ROBO2: variants seen among roughly 807,000 people sequenced by gnomAD.
ROBO2 encodes the protein roundabout homolog 2.
Under a neutral mutation model 160.8 loss-of-function variants are expected in ROBO2, and 53 were observed. The ratio of observed to expected loss-of-function variants is 0.33; its 90% CI spans 0.26 to 0.41. The LOEUF (loss-of-function observed/expected upper bound fraction) is 0.41. ROBO2 is among the 10% of genes least tolerant of loss of function. ROBO2 has a pLI of 1.00. For synonymous variants in ROBO2, 664 were observed against 611.7 expected (o/e 1.09, Z -1.26); for missense variants, 1,577 against 1,722.4 (o/e 0.92, Z 1.49).
At chr3:77,426,382 C>A (rs2078207983) in intron 2 of ROBO2, among the ~76,000 whole-genome samples, 1 of 151,916 alleles carries the variant, frequency 6.6e-6, no homozygotes, top group African/African-American at 2.4e-5. Flanking sequence ...ATGAGTTCCA[C>A]TTTGTATTCT....
chr3:77,040,377 A>G (rs2063971589), exon 1 of ROBO2: 1 of 1,005,978 alleles, frequency 9.9e-7, no homozygotes, highest in Admixed American at 5.7e-5. Flanking sequence ...CGCGCTGGCA[A>G]GTTTGTGGAA....
At chr3:77,380,814 G>T (rs1043049088) in intron 2 of ROBO2, among the ~76,000 whole-genome samples, 2 of 151,134 alleles carry the variant, frequency 1.3e-5, no homozygotes, top group African/African-American at 4.9e-5. Flanking sequence ...ATTTCTCTCC[G>T]CTGATTAGCG....
chr3:76,744,838 C>G (rs1233297500), intron 2 of ROBO2, among the ~76,000 whole-genome samples: 1 of 152,110 alleles, frequency 6.6e-6, no homozygotes, highest in Non-Finnish European at 1.5e-5. Context: ...AATATTTTAG[C>G]TTGAAAAGAA....
intron 2 of ROBO2, among the ~76,000 whole-genome samples, chr3:77,307,833 A>G (rs1175254769): frequency 6.6e-6 from 1 of 152,116 alleles, no homozygotes; most frequent in Non-Finnish European, 1.5e-5. Flanking sequence ...CAGTGAGCTA[A>G]GATCACACCA....
At chr3:76,343,689 A>G (rs1424310764) in intron 2 of ROBO2, among the ~76,000 whole-genome samples, 2 of 152,050 alleles carry the variant, frequency 1.3e-5, no homozygotes, top group East Asian at 1.9e-4. Flanking sequence ...GGTATCATGC[A>G]GTATTGGTGT....
At chr3:76,430,525 T>C (rs2076394306) in intron 2 of ROBO2, among the ~76,000 whole-genome samples, 1 of 152,134 alleles carries the variant, frequency 6.6e-6, no homozygotes, top group African/African-American at 2.4e-5. Flanking sequence ...TGTTAGATAA[T>C]ATTGTATTCT....
At chr3:76,516,886 T>C (rs891420948) in intron 2 of ROBO2, among the ~76,000 whole-genome samples, 2 of 152,146 alleles carry the variant, frequency 1.3e-5, no homozygotes, top group African/African-American at 2.4e-5. Context: ...GTTTTATTGC[T>C]TAATCCCCAA....
At chr3:76,564,410 C>T (rs2084387478) in intron 2 of ROBO2, among the ~76,000 whole-genome samples, 1 of 152,166 alleles carries the variant, frequency 6.6e-6, no homozygotes, top group African/African-American at 2.4e-5. Flanking sequence ...CCCACTTATA[C>T]ATATTTGATT....
rs183768666 is a variant in ROBO2, at chr3:77,151,170, A to G, written c.388+52830A>G. On this transcript the variant is annotated intron_variant, in intron 2 of 25. Coordinates refer to ENST00000461745, the Ensembl canonical transcript of ROBO2. Reference sequence around the variant, plus strand: ...TATTTTAGTCTCAACATTAAATACAATTTCCACTTTAGAAGGTAGTTGTTA... The same window carrying G: ...TATTTTAGTCTCAACATTAAATACAGTTTCCACTTTAGAAGGTAGTTGTTA... 1.3e-4 allele frequency among the ~76,000 whole-genome samples: 20 copies of G among 152,248 alleles called. 1 individual carries two copies. The East Asian group carries it at 3.7e-3, about 28-fold the overall frequency.
At chr3:76,804,670 A>G (rs1200252330) in intron 2 of ROBO2, among the ~76,000 whole-genome samples, 1 of 152,182 alleles carries the variant, frequency 6.6e-6, no homozygotes, top group African/African-American at 2.4e-5. Flanking sequence ...TTAATATATC[A>G]TCTTTTCTTC....
Position 76,136,883 on chromosome 3 carries a change from T to C in ROBO2, c.109+199281T>C, listed in dbSNP as rs572087453. Reference sequence around the variant, plus strand: ...TCACAAAAATGATCATGTACAGAAGTCAGTTTCATAAGAGCTTCCAAAGTC... The same window carrying C: ...TCACAAAAATGATCATGTACAGAAGCCAGTTTCATAAGAGCTTCCAAAGTC... On this transcript the variant is annotated intron_variant, in intron 2 of 26. Transcript: ENST00000487694. Among the ~76,000 whole-genome samples, 6 of 152,128 alleles carry C rather than the reference T, an allele frequency of 3.9e-5. No homozygotes were observed. The East Asian group carries it at 9.7e-4, about 25-fold the overall frequency.
chr3:76,420,972 A>G lies in ROBO2; in HGVS notation c.109+483370A>G, dbSNP rs188245575. 1.2e-4 allele frequency among the ~76,000 whole-genome samples: 19 copies of G among 152,326 alleles called. 1 individual carries two copies. The East Asian group carries it at 2.9e-3, about 23-fold the overall frequency. ...AACTGACAAGAAATAGTTTGTATTC[A>G]GCCCTGGAGATGGTCAAGAAATTCA... On this transcript the variant is annotated intron_variant, in intron 2 of 26. Transcript: ENST00000487694.
intron 2 of ROBO2, among the ~76,000 whole-genome samples, chr3:76,006,901 G>A (rs2107592450): frequency 6.6e-6 from 1 of 151,910 alleles, no homozygotes; most frequent in South Asian, 2.1e-4. Context: ...AAGTTATAGT[G>A]GTTTTGAACA....
chr3:76,071,136 T>C (rs1232325472), intron 2 of ROBO2, among the ~76,000 whole-genome samples: 1 of 152,210 alleles, frequency 6.6e-6, no homozygotes, highest in Non-Finnish European at 1.5e-5. Flanking sequence ...ATTATCCAGA[T>C]GAATGATTTA....
At chr3:77,554,802 T>C (rs2093051342) in intron 8 of ROBO2, among the ~76,000 whole-genome samples, 1 of 152,032 alleles carries the variant, frequency 6.6e-6, no homozygotes, top group Admixed American at 6.6e-5. Context: ...CTACTTCTAT[T>C]CAAGATTGTT....
intron 2 of ROBO2, among the ~76,000 whole-genome samples, chr3:76,711,420 TG>T (rs2093291767): frequency 1.3e-5 from 2 of 152,106 alleles, no homozygotes; most frequent in South Asian, 4.1e-4. Context: ...GAGATTTGGG[TG>T]GGTGCACAGA....
intron 2 of ROBO2, among the ~76,000 whole-genome samples, chr3:76,903,408 GA>G: frequency 6.6e-6 from 1 of 152,068 alleles, no homozygotes; most frequent in East Asian, 1.9e-4. Flanking sequence ...ATTCTGCTGG[GA>G]GTCAATTGGA....
exon 16 of ROBO2, chr3:77,579,994 G>A: frequency 6.2e-7 from 1 of 1,613,776 alleles, no homozygotes; most frequent in Non-Finnish European, 8.5e-7. Context: ...ACAAAACTGT[G>A]GATGCAGCCA....
At position 77,232,624 on chromosome 3, in the gene ROBO2, G is replaced by A. The variant is rs76129201; in HGVS notation, c.388+134284G>A. Among the ~76,000 whole-genome samples the A allele has an allele frequency of 4.1e-3, 626 of 152,248 alleles. 5 individuals carry two copies. The highest frequency in any genetic ancestry group is 0.015 in the African/African-American group (610 of 41,560). ...GCTACATGGAATTACCCAGGATTGA[G>A]GGAGGCATTACCTGTGCAGAAAGGG... is the stretch of plus-strand genomic sequence containing the variant. On this transcript the variant is annotated intron_variant, in intron 2 of 25. Transcript: ENST00000461745.
Sources: gnomAD v4.1 joint callset for allele counts (sites outside exome capture counted in the v4.1 genomes callset) on GRCh38, gnomAD v4.1.1 for gene constraint, MANE v1.5 for transcripts, NCBI Gene and HGNC (gene_info 2026-07-23, HGNC 2026-07-21) for gene names.